Variants in LAMA5 observed in about 807,000 individuals in gnomAD.
LAMA5 encodes the protein laminin subunit alpha 5, also known as laminin subunit alpha-5.
A neutral mutation model predicts 433.4 loss-of-function variants in LAMA5; 260 were observed. The observed-to-expected ratio is 0.60, with a 90% CI of 0.54 to 0.66. The LOEUF is 0.66. LAMA5 is among the 30% of genes least tolerant of loss of function. The probability of loss-of-function intolerance (pLI) is 0.00; values close to 1 mark genes in which losing one functional copy is unlikely to be tolerated. For synonymous variants in LAMA5, 2,620 were observed against 2,226.6 expected (o/e 1.18, Z -4.97); for missense variants, 5,378 against 5,258.5 (o/e 1.02, Z -0.70).
At chr20:62,358,394 G>A (rs952337845) in intron 2 of LAMA5, among the ~76,000 whole-genome samples, 14 of 152,288 alleles carry the variant, frequency 9.2e-5, no homozygotes, top group Admixed American at 3.3e-4. Context: ...CCCGGCCGCC[G>A]AGCTCTGTAA....
intron 79 of LAMA5, 25 bp downstream of exon 79, chr20:62,309,691 C>A (rs761964317): frequency 4.0e-6 from 6 of 1,487,014 alleles, no homozygotes; most frequent in Non-Finnish European, 4.5e-6. Context: ...GCAGCTCCCC[C>A]ACCCTTGATC....
chr20:62,312,328 C>G lies in LAMA5; in HGVS notation c.9361-12G>C. 6.2e-7 allele frequency: 1 copy of G among 1,607,164 alleles called. No homozygotes were observed. Among genetic ancestry groups the G allele is most frequent in the Non-Finnish European group, 8.5e-7 (1 of 1,179,078 alleles). The stretch of plus-strand genomic sequence containing the variant: ...ATGGCGCGCCCCACCTGCGGGGAGG[C>G]CATCCCTGAGTGCCCGCGGGTGCCC... On this transcript the variant is annotated splice_polypyrimidine_tract_variant and intron_variant, in intron 68 of 79. Coordinates refer to ENST00000252999, the MANE Select transcript of LAMA5 (RefSeq NM_005560.6).
intron 41 of LAMA5, 112 bp downstream of exon 41, chr20:62,325,204 G>T: frequency 1.4e-6 from 1 of 698,704 alleles, no homozygotes; most frequent in Non-Finnish European, 2.3e-6. Flanking sequence ...GAAGAGAGGT[G>T]AGTAGGGTGA....
intron 52 of LAMA5, 37 bp from the exon 53 acceptor site, chr20:62,318,687 G>A (rs934617719): frequency 1.3e-6 from 2 of 1,599,118 alleles, no homozygotes; most frequent in African/African-American, 1.3e-5. Flanking sequence ...CACTCTGGAA[G>A]CCAGGCCCCT....
chr20:62,337,676 C>T lies in LAMA5; in HGVS notation c.2078G>A (p.Ser693Asn). 6.2e-7 allele frequency: 1 copy of T among 1,612,048 alleles called. No individual in the cohort carries two copies. Among genetic ancestry groups the T allele is most frequent in the South Asian group, 1.1e-5 (1 of 91,018 alleles). Residue 693 changes from serine to asparagine, a missense_variant, in exon 16 of 80, where the codon AGT (serine) becomes AAT (asparagine). Coordinates refer to ENST00000252999, the MANE Select transcript of LAMA5 (RefSeq NM_005560.6). The part of the protein sequence containing the change: ...GSLHAACDPR[S>N]GQCSCRPRVT... ...ACGGGGCCGGCAGCTGCACTGCCCA[C>T]TCCGGGGGTCACAGGCTGCGTGCAG... is the stretch of plus-strand genomic sequence containing the variant.
At chr20:62,346,411 G>A (rs1983371991) in intron 9 of LAMA5, 95 bp downstream of exon 9, 2 of 1,402,222 alleles carry the variant, frequency 1.4e-6, no homozygotes, top group Non-Finnish European at 1.9e-6. Context: ...TGGAAGCTCA[G>A]GACATCCCCT....
intron 14 of LAMA5, 31 bp downstream of exon 14, chr20:62,337,985 G>C (rs1201923272): frequency 6.3e-7 from 1 of 1,595,970 alleles, no homozygotes; most frequent in Admixed American, 1.7e-5. Context: ...GTGGGTGGCA[G>C]AACCCCTTCC....
Position 62,346,765 on chromosome 20 carries a change from AGTAACAGTCGGTGGCATGGCCGTAGCAG to A in LAMA5, c.1080_1107del (p.Cys361ThrfsTer74). 1.9e-6 allele frequency: 3 copies of A among 1,612,802 alleles called. No individual in the cohort carries two copies. Among genetic ancestry groups the A allele is most frequent in the Non-Finnish European group, 2.5e-6 (3 of 1,179,764 alleles). On this transcript the variant is annotated frameshift_variant, in exon 8 of 80. Coordinates refer to ENST00000252999, the MANE Select transcript of LAMA5 (RefSeq NM_005560.6). LOFTEE classifies it high-confidence loss of function. ...CGGCGCCGGTCCACCTCAGGGTCGTAGTAACAGTCGGTGGCATGGCCGTAGCAGTTACAGGCTAGAGAGAGGGGAGCGC... is the reference window on the plus strand; with the variant it reads ...CGGCGCCGGTCCACCTCAGGGTCGTATTACAGGCTAGAGAGAGGGGAGCGC...
At chr20:62,315,635 C>T (rs1986856179) in intron 58 of LAMA5, among the ~76,000 whole-genome samples, 1 of 152,196 alleles carries the variant, frequency 6.6e-6, no homozygotes. Flanking sequence ...CCACGCTGAC[C>T]ACTGTGCCCT....
chr20:62,312,424 G>T lies in LAMA5; in HGVS notation c.9336C>A (p.Ser3112Arg), dbSNP rs777055448. 6.3e-7 allele frequency: 1 copy of T among 1,597,762 alleles called. No individual in the cohort carries two copies. Among genetic ancestry groups the T allele is most frequent in the South Asian group, 1.1e-5 (1 of 90,872 alleles). ...DLKRLNTTGVSAGCTADLLVG... is the reference protein window; with the variant it reads ...DLKRLNTTGVRAGCTADLLVG... ...CCAGCAGGTCGGCGGTGCAGCCGGC[G>T]CTCACGCCTGTCGTGTTCAGCCGCT... The change falls in exon 68 of 80, where the codon AGC (serine) becomes AGA (arginine). Residue 3112 changes from serine (S) to arginine (R), a missense_variant. Transcript: ENST00000252999.
chr20:62,353,019 G>T, intron 3 of LAMA5, 115 bp downstream of exon 3: 1 of 715,784 alleles, frequency 1.4e-6, no homozygotes, highest in Non-Finnish European at 2.3e-6. Context: ...GACCGCAGCA[G>T]CCGGGTGTGA....
chr20:62,340,878 T>C (rs1982484757), intron 11 of LAMA5, among the ~76,000 whole-genome samples: 2 of 151,148 alleles, frequency 1.3e-5, no homozygotes, highest in Non-Finnish European at 2.9e-5. Flanking sequence ...CTACTAAAAA[T>C]ACAAAAATTA....
chr20:62,315,893 G>A (rs1427568928), intron 58 of LAMA5, 55 bp downstream of exon 58: 3 of 1,367,188 alleles, frequency 2.2e-6, no homozygotes, highest in Non-Finnish European at 3.0e-6. Context: ...CAGCGCCACT[G>A]TCACAGAGCC....
At chr20:62,362,573 T>C in intron 1 of LAMA5, 21 bp from the exon 2 acceptor site, 1 of 1,498,578 alleles carries the variant, frequency 6.7e-7, no homozygotes, top group Non-Finnish European at 9.0e-7. Flanking sequence ...AACGGGAGGG[T>C]CAGATAGCCG....
Position 62,327,422 on chromosome 20 carries a change from TGTGGCTGCACAC to T in LAMA5, c.4939-28_4939-17del. The stretch of plus-strand genomic sequence containing the variant: ...TATCCACGAACTGTGGGCACACACG[TGTGGCTGCACAC>T]GGGTGGATGCCCACACATCACAGGG... On this transcript the variant is annotated splice_polypyrimidine_tract_variant and intron_variant, in intron 37 of 79. Transcript: ENST00000252999. The T allele has an allele frequency of 6.3e-7, 1 of 1,589,530 alleles. No homozygotes were observed. Among genetic ancestry groups the T allele is most frequent in the African/African-American group, 1.3e-5 (1 of 74,688 alleles).
rs545263322 is a variant in LAMA5 at position 62,310,316 on chromosome 20, G to C, written c.10601-5C>G. On this transcript the variant is annotated splice_polypyrimidine_tract_variant and splice_region_variant and intron_variant, in intron 76 of 79. Coordinates refer to ENST00000252999, the MANE Select transcript of LAMA5 (RefSeq NM_005560.6). ...GCAGTGTAGCTCCTGGGAGGTCTGC[G>C]GGGAGGGGTTGTGATGGAGAAGAAA... The C allele has an allele frequency of 6.3e-7, 1 of 1,596,796 alleles. No homozygotes were observed. Among genetic ancestry groups the C allele is most frequent in the Admixed American group, 1.7e-5 (1 of 58,970 alleles).
chr20:62,335,396 G>T, intron 18 of LAMA5, 127 bp from the exon 19 acceptor site: 3 of 798,356 alleles, frequency 3.8e-6, no homozygotes, highest in Non-Finnish European at 3.8e-6. Context: ...ACCCCCAGGA[G>T]CCCCTGCACC....
chr20:62,360,004 G>A (rs1250229743), intron 2 of LAMA5, among the ~76,000 whole-genome samples: 1 of 150,360 alleles, frequency 6.7e-6, no homozygotes, highest in East Asian at 2.0e-4. Context: ...CCCGCTGCAG[G>A]GGGAGTGCCC....
chr20:62,338,716 C>A, intron 11 of LAMA5, 108 bp from the exon 12 acceptor site: 2 of 1,119,634 alleles, frequency 1.8e-6, no homozygotes, highest in Admixed American at 2.6e-5. Context: ...CACTTTTACA[C>A]AACACTAACT....
Sources: allele counts gnomAD v4.1 joint callset (sites outside exome capture counted in the v4.1 genomes callset), GRCh38; gene constraint gnomAD v4.1.1; transcripts MANE v1.5; gene names NCBI Gene and HGNC (gene_info 2026-07-23, HGNC 2026-07-21).